The following ADARB2 variants were observed in gnomAD, a reference collection of about 807,000 sequenced individuals.
The protein encoded by ADARB2 is inactive double-stranded RNA-specific editase B2.
In ADARB2, 25 loss-of-function variants were observed where a neutral mutation model predicts 62.2. The ratio of observed to expected loss-of-function variants is 0.40; its 90% CI spans 0.29 to 0.56. The LOEUF is 0.56. Among genes scored for constraint, ADARB2 ranks in the 20% least tolerant of loss-of-function variants. The probability of loss-of-function intolerance (pLI) is 0.43; values close to 1 mark genes in which losing one functional copy is unlikely to be tolerated. For synonymous variants in ADARB2, 572 were observed against 500.8 expected (o/e 1.14, Z -1.90); for missense variants, 1,071 against 1,077.4 (o/e 0.99, Z 0.08).
intron 1 of ADARB2, among the ~76,000 whole-genome samples, chr10:1,711,334 CG>C (rs1834946960): frequency 1.3e-5 from 2 of 152,178 alleles, no homozygotes; most frequent in African/African-American, 4.8e-5. Context: ...GAGGGGAACC[CG>C]CTGGACACCC....
intron 1 of ADARB2, among the ~76,000 whole-genome samples, chr10:1,663,919 G>C (rs1158223075): frequency 1.3e-5 from 2 of 152,168 alleles, no homozygotes; most frequent in Non-Finnish European, 2.9e-5. Flanking sequence ...CGCCTGGCCA[G>C]GTCATTTCTT....
chr10:1,297,250 G>A (rs1438714367), intron 3 of ADARB2, among the ~76,000 whole-genome samples: 1 of 152,036 alleles, frequency 6.6e-6, no homozygotes, highest in Non-Finnish European at 1.5e-5. Context: ...AGCCCCCGTC[G>A]GCCTTGGGTA....
chr10:1,675,857 G>T, intron 1 of ADARB2: 1 of 738,174 alleles, frequency 1.4e-6, no homozygotes, highest in Non-Finnish European at 1.7e-6. Context: ...ATCCCTGCAG[G>T]AGGGCAGAGG....
intron 3 of ADARB2, among the ~76,000 whole-genome samples, chr10:1,300,787 G>A (rs1831565898): frequency 6.6e-6 from 1 of 152,200 alleles, no homozygotes; most frequent in Non-Finnish European, 1.5e-5. Flanking sequence ...CCCTGCTCTT[G>A]GAGGCTTGTT....
chr10:1,501,269 G>T (rs1347357620), intron 1 of ADARB2, among the ~76,000 whole-genome samples: 1 of 152,148 alleles, frequency 6.6e-6, no homozygotes, highest in African/African-American at 2.4e-5. Flanking sequence ...AGCTATGTAG[G>T]GAAACAGTTT....
intron 3 of ADARB2, among the ~76,000 whole-genome samples, chr10:1,315,377 G>A (rs1039802863): frequency 2.0e-5 from 3 of 152,232 alleles, no homozygotes; most frequent in African/African-American, 4.8e-5. Flanking sequence ...CTGAGTGAGC[G>A]CAAAGCGTCC....
At chr10:1,193,912 A>T (rs969380438) in intron 8 of ADARB2, among the ~76,000 whole-genome samples, 10 of 152,166 alleles carry the variant, frequency 6.6e-5, no homozygotes, top group African/African-American at 1.9e-4. Context: ...GATGAGAATT[A>T]AAAAAAGTTA....
chr10:1,591,932 G>A (rs765526646), intron 1 of ADARB2, among the ~76,000 whole-genome samples: 17 of 152,152 alleles, frequency 1.1e-4, no homozygotes, highest in South Asian at 1.0e-3. Flanking sequence ...ATCGACCTCC[G>A]GCCGGCATCC....
chr10:1,371,784 T>TAA (rs71379114), intron 2 of ADARB2, among the ~76,000 whole-genome samples: 24 of 125,798 alleles, frequency 1.9e-4, no homozygotes, highest in Middle Eastern at 4.1e-3. Flanking sequence ...TATTAAAAAG[T>TAA]AAAAAAAAAA....
intron 1 of ADARB2, among the ~76,000 whole-genome samples, chr10:1,517,045 C>T (rs1003881929): frequency 1.3e-5 from 2 of 152,150 alleles, no homozygotes; most frequent in African/African-American, 4.8e-5. Context: ...TTGATCCCAG[C>T]GGTCGTGGCG....
intron 1 of ADARB2, among the ~76,000 whole-genome samples, chr10:1,446,638 C>T (rs1034869353): frequency 6.6e-6 from 1 of 152,240 alleles, no homozygotes; most frequent in Non-Finnish European, 1.5e-5. Context: ...CAGTGAATAG[C>T]TGTGCTCCTC....
At chr10:1,690,860 A>G (rs1834660665) in intron 1 of ADARB2, among the ~76,000 whole-genome samples, 1 of 151,950 alleles carries the variant, frequency 6.6e-6, no homozygotes, top group Admixed American at 6.6e-5. Flanking sequence ...GCACCTTGAC[A>G]GTCCTTTCTC....
intron 1 of ADARB2, among the ~76,000 whole-genome samples, chr10:1,444,640 C>A (rs111207841): frequency 0.081 from 12,230 of 151,548 alleles, 594 homozygotes; most frequent in East Asian, 0.23. Flanking sequence ...ATCTGTCTAT[C>A]CATCCACCCA....
At chr10:1,568,548 G>A (rs930334370) in intron 1 of ADARB2, among the ~76,000 whole-genome samples, 1 of 149,938 alleles carries the variant, frequency 6.7e-6, no homozygotes, top group Admixed American at 6.7e-5. Context: ...AGAAAGAAAA[G>A]AAAGAAAGAA....
intron 1 of ADARB2, among the ~76,000 whole-genome samples, chr10:1,681,614 G>C (rs532388847): frequency 4.4e-4 from 67 of 152,248 alleles, no homozygotes; most frequent in Non-Finnish European, 8.7e-4. Context: ...GTAAAATGAG[G>C]TGATCGCAGG....
intron 1 of ADARB2, among the ~76,000 whole-genome samples, chr10:1,555,460 G>C (rs954820240): frequency 2.0e-5 from 3 of 152,104 alleles, no homozygotes; most frequent in Non-Finnish European, 4.4e-5. Context: ...AGAGAAGTGG[G>C]GGCTAATGAA....
chr10:1,587,271 G>A (rs1833193419), intron 1 of ADARB2, among the ~76,000 whole-genome samples: 1 of 152,208 alleles, frequency 6.6e-6, no homozygotes, highest in Non-Finnish European at 1.5e-5. Flanking sequence ...CTCCAGAGAT[G>A]TAAGTCGGGT....
chr10:1,378,529 G>A (rs984034768), intron 2 of ADARB2, among the ~76,000 whole-genome samples: 1 of 152,208 alleles, frequency 6.6e-6, no homozygotes, highest in African/African-American at 2.4e-5. Context: ...GATGCCAGGT[G>A]AGGATGGGAC....
Position 1,653,497 on chromosome 10 carries a change from C to T in ADARB2, c.100+83554G>A, listed in dbSNP as rs112674387. The stretch of plus-strand genomic sequence containing the variant: ...ATCTTGGTCAGCGCTCTCCACCCGA[C>T]GCCTTGTGTGCCTGCAGAGCCGCAG... On this transcript the variant is annotated intron_variant, in intron 1 of 9. Transcript: ENST00000381312. Among the ~76,000 whole-genome samples, 306 of 137,836 alleles carry T rather than the reference C, an allele frequency of 2.2e-3. 1 individual carries two copies. The highest frequency in any genetic ancestry group is 0.018 in the East Asian group (81 of 4,620). 90.4% of individuals were successfully genotyped at this position (137,836 alleles called of 152,430 possible).
Sources: allele counts gnomAD v4.1 joint callset (sites outside exome capture counted in the v4.1 genomes callset), GRCh38; gene constraint gnomAD v4.1.1; transcripts MANE v1.5; gene names NCBI Gene and HGNC (gene_info 2026-07-23, HGNC 2026-07-21).